FHAD1: variants seen among roughly 807,000 people sequenced by gnomAD.
The protein encoded by FHAD1 is forkhead associated phosphopeptide binding domain 1.
FHAD1 carries 146 observed loss-of-function variants against 191.3 expected under a neutral mutation model. The observed-to-expected ratio is 0.76, with a 90% CI of 0.67 to 0.88. FHAD1 has a LOEUF of 0.88. FHAD1 is among the 40% of genes least tolerant of loss of function. FHAD1 has a pLI of 0.00. For missense variants in FHAD1, 1,635 were observed against 1,785.8 expected, an observed-to-expected ratio of 0.92 and a Z score of 1.52; for synonymous variants, 616 against 672.3, an observed-to-expected ratio of 0.92 and a Z score of 1.29.
chr1:15,387,602 T>G (rs1468595922), intron 31 of FHAD1, among the ~76,000 whole-genome samples: 2 of 151,794 alleles, frequency 1.3e-5, no homozygotes, highest in South Asian at 4.2e-4. Flanking sequence ...ACAAAAAAAT[T>G]AGCTGGGTGT....
chr1:15,267,845 A>G (rs1446327640), intron 2 of FHAD1, among the ~76,000 whole-genome samples: 1 of 147,428 alleles, frequency 6.8e-6, no homozygotes, highest in Admixed American at 6.8e-5. Context: ...ATATTTATAA[A>G]ATAAATATTT....
chr1:15,287,228 G>A (rs1411821332), intron 3 of FHAD1: 1 of 152,220 alleles, frequency 6.6e-6, no homozygotes, highest in East Asian at 1.9e-4. Context: ...CAGAGTTCTG[G>A]AACTCGGCCC....
At chr1:15,348,071 G>T (rs1007025788) in intron 18 of FHAD1, among the ~76,000 whole-genome samples, 1 of 152,170 alleles carries the variant, frequency 6.6e-6, no homozygotes, top group African/African-American at 2.4e-5. Context: ...ACAGGAAAAT[G>T]TCCTACCCTG....
intron 32 of FHAD1, 167 bp downstream of exon 32, chr1:15,388,298 CCCTTCCCTCCCCAGGCCCTGCCCCA>C (rs1557449776): frequency 4.4e-6 from 1 of 227,034 alleles, no homozygotes. Context: ...CTCCCTCCTT[CCCTTCCCTCCCCAGGCCCTGCCCCA>C]CCTCCCTCCC....
intron 27 of FHAD1, 149 bp downstream of exon 27, chr1:15,374,780 G>C: frequency 1.0e-6 from 1 of 955,290 alleles, no homozygotes; most frequent in South Asian, 1.8e-5. Context: ...GGCAGACCAT[G>C]ATCTCAGAGT....
At chr1:15,332,282 A>G (rs1009806401) in intron 14 of FHAD1, among the ~76,000 whole-genome samples, 3 of 152,210 alleles carry the variant, frequency 2.0e-5, no homozygotes, top group African/African-American at 7.2e-5. Context: ...ACTGGAACTA[A>G]AACAAAGACC....
chr1:15,316,514 T>C lies in FHAD1; in HGVS notation c.1260+47T>C. On this transcript the variant is annotated intron_variant, in intron 9 of 33. Transcript: ENST00000688493. The surrounding 1 kb of genome is among the most constrained non-coding windows in gnomAD (Gnocchi z 4.3). Reference sequence around the variant, plus strand: ...GTAGGTACCACCAGAAAAAACAGAGTTTGACCTTGAGGTTCTTGGTGGGAT... The same window carrying C: ...GTAGGTACCACCAGAAAAAACAGAGCTTGACCTTGAGGTTCTTGGTGGGAT... The C allele has an allele frequency of 6.6e-7, 1 of 1,507,328 alleles. No homozygotes were observed. Among genetic ancestry groups the C allele is most frequent in the Non-Finnish European group, 9.0e-7 (1 of 1,108,116 alleles). 93.4% of individuals were successfully genotyped at this position (1,507,328 alleles called of 1,614,324 possible).
chr1:15,370,165 T>C (rs1697669802), intron 26 of FHAD1, among the ~76,000 whole-genome samples: 1 of 152,008 alleles, frequency 6.6e-6, no homozygotes, highest in Non-Finnish European at 1.5e-5. Context: ...TTAGTACAGA[T>C]GAGGTTTCAC....
rs71587751 is a variant in FHAD1 at position 15,365,481 on chromosome 1, A to ATTTTTTTTTTTTTT, written c.3048-339_3048-326dup. Among the ~76,000 whole-genome samples the ATTTTTTTTTTTTTT allele has an allele frequency of 4.9e-3, 557 of 112,672 alleles. 16 individuals are homozygous for ATTTTTTTTTTTTTT. The highest frequency in any genetic ancestry group is 8.1e-3 in the African/African-American group (187 of 23,164). The allele number at this position is 112,672 out of a possible 152,430, so 73.9% of individuals were successfully genotyped here. ...AGCCACACACCACTATGCCTGGCTA[A>ATTTTTTTTTTTTTT]TTTTTTTTTTTTTTTTTTTTGTAGA... On this transcript the variant is annotated intron_variant, in intron 23 of 33. Coordinates refer to ENST00000688493, the MANE Select transcript of FHAD1 (RefSeq NM_001391957.1).
intron 19 of FHAD1, among the ~76,000 whole-genome samples, chr1:15,351,583 G>A (rs1040934749): frequency 1.3e-5 from 2 of 152,120 alleles, no homozygotes; most frequent in African/African-American, 4.8e-5. Flanking sequence ...TGCTCTCTGG[G>A]GGTTTGCAGA....
chr1:15,250,470 C>T (rs1646639412), intron 1 of FHAD1, among the ~76,000 whole-genome samples: 1 of 152,182 alleles, frequency 6.6e-6, no homozygotes, highest in African/African-American at 2.4e-5. Context: ...AGCTCATTAT[C>T]TGCTTCTTTC....
chr1:15,311,620 A>G lies in FHAD1; in HGVS notation c.1040-1437A>G, dbSNP rs1672295082. ...TGAATCATGTTGTTCTTTATTACAC[A>G]TCCTTGATTGTGCAATAAAGATTGA... is the stretch of plus-strand genomic sequence containing the variant. On this transcript the variant is annotated intron_variant, in intron 7 of 33. Coordinates refer to ENST00000688493, the MANE Select transcript of FHAD1 (RefSeq NM_001391957.1). The surrounding 1 kb of genome is among the most constrained non-coding windows in gnomAD (Gnocchi z 4.1). Among the ~76,000 whole-genome samples the G allele has an allele frequency of 6.6e-6, 1 of 152,216 alleles. No individual in the cohort carries two copies. Among genetic ancestry groups the G allele is most frequent in the Admixed American group, 6.5e-5 (1 of 15,288 alleles).
At position 15,265,988 on chromosome 1, in the gene FHAD1, A is replaced by G. The variant is rs536852832; in HGVS notation, c.94-6335A>G. Among the ~76,000 whole-genome samples the G allele has an allele frequency of 1.2e-4, 18 of 147,840 alleles. 1 individual carries two copies. The highest frequency in any genetic ancestry group is 4.7e-4 in the South Asian group (2 of 4,256). On this transcript the variant is annotated intron_variant, in intron 2 of 33. Coordinates refer to ENST00000688493, the MANE Select transcript of FHAD1 (RefSeq NM_001391957.1). ...TCCATCTCAAAAAAAAAAAAAAAAA[A>G]AGAGAGAGAGAGTTCTTAGAGCACA...
rs1258238117 is a variant in FHAD1, at chr1:15,301,453, C to T, written c.915+12C>T. 1 of 1,550,524 alleles carries T rather than the reference C, an allele frequency of 6.4e-7. No homozygotes were observed. The highest frequency in any genetic ancestry group is 8.7e-7 in the Non-Finnish European group (1 of 1,146,458). The stretch of plus-strand genomic sequence containing the variant: ...GCTTGAAAAGCCAGGTAGGCAGAGC[C>T]TGAGAGGTACAGCACAGCTCTCAGG... On this transcript the variant is annotated intron_variant, in intron 6 of 33. Transcript: ENST00000688493.
chr1:15,284,670 C>T (rs1661783266), intron 3 of FHAD1, among the ~76,000 whole-genome samples: 1 of 152,028 alleles, frequency 6.6e-6, no homozygotes, highest in African/African-American at 2.4e-5. Flanking sequence ...GGGTCAGAAG[C>T]AGATGTTAGC....
intron 8 of FHAD1, among the ~76,000 whole-genome samples, chr1:15,315,727 C>G (rs1236677506): frequency 6.6e-6 from 1 of 152,026 alleles, no homozygotes; most frequent in African/African-American, 2.4e-5. Context: ...ACCTCATGAT[C>G]TGCCCACCTC....
chr1:15,341,190 C>A (rs529815595), intron 15 of FHAD1, among the ~76,000 whole-genome samples: 5,029 of 151,992 alleles, frequency 0.033, 153 homozygotes, highest in Admixed American at 0.082. Flanking sequence ...TCAAAAAAAA[C>A]AAAACAAAAC....
chr1:15,375,822 C>T (rs1322935239), intron 28 of FHAD1, 92 bp downstream of exon 28: 4 of 1,350,970 alleles, frequency 3.0e-6, no homozygotes, highest in East Asian at 2.5e-5. Flanking sequence ...CACAGCCATA[C>T]ATGTCAGTGG....
At chr1:15,363,187 G>A (rs992587075) in intron 23 of FHAD1, among the ~76,000 whole-genome samples, 7 of 152,200 alleles carry the variant, frequency 4.6e-5, no homozygotes, top group Admixed American at 1.3e-4. Flanking sequence ...TGGGAGTGGT[G>A]CAGGGCATCA....
Sources: allele counts gnomAD v4.1 joint callset (sites outside exome capture counted in the v4.1 genomes callset), GRCh38; gene constraint gnomAD v4.1.1; non-coding constraint Gnocchi (gnomAD v3.1); transcripts MANE v1.5; gene names NCBI Gene and HGNC (gene_info 2026-07-23, HGNC 2026-07-21).